The following SYNE2 variants were observed in gnomAD, a reference collection of about 807,000 sequenced individuals.
The protein encoded by SYNE2 is spectrin repeat containing nuclear envelope protein 2.
In SYNE2, 431 loss-of-function variants were observed where a neutral mutation model predicts 856.3. The ratio of observed to expected loss-of-function variants is 0.50; its 90% CI spans 0.47 to 0.55. SYNE2 has a LOEUF of 0.55. Among genes scored for constraint, SYNE2 ranks in the 20% least tolerant of loss-of-function variants. The pLI is 0.00. For synonymous variants in SYNE2, 2,923 were observed against 2,872.3 expected (o/e 1.02, Z -0.56); for missense variants, 8,129 against 8,023.2 (o/e 1.01, Z -0.50).
chr14:64,158,743 A>G lies in SYNE2; in HGVS notation c.15911A>G (p.Lys5304Arg), dbSNP rs2098305847. ...TTCTGGTACTGCATGGAACACAGCA[A>G]GCCTGTGGTGTTATCATTGGAGACC... ...IRFWYCMEHS[K>R]PVVLSLETLR... Residue 5304 changes from lysine to arginine, a missense_variant, in exon 86 of 116, where the codon AAG becomes AGG. Lys to Arg is a conservative substitution (Grantham distance 26, BLOSUM62 2). This residue lies in a region of SYNE2 where 5,410 missense variants were observed against 5,284.8 expected (regional missense o/e 1.02). Coordinates refer to ENST00000555002, the MANE Select transcript of SYNE2 (RefSeq NM_182914.3). 6.2e-7 allele frequency: 1 copy of G among 1,613,876 alleles called. No individual in the cohort carries two copies. The highest frequency in any genetic ancestry group is 1.3e-5 in the African/African-American group (1 of 74,908).
chr14:63,909,728 C>T (rs781285914), intron 2 of SYNE2, among the ~76,000 whole-genome samples: 6 of 152,118 alleles, frequency 3.9e-5, no homozygotes, highest in Admixed American at 6.5e-5. Context: ...GTAATCCCAG[C>T]TACTTGGGAG....
At chr14:63,874,180 C>T (rs1267639258) in intron 1 of SYNE2, among the ~76,000 whole-genome samples, 1 of 152,104 alleles carries the variant, frequency 6.6e-6, no homozygotes, top group Non-Finnish European at 1.5e-5. Flanking sequence ...ATGAGATGTC[C>T]GTCTGTCAGA....
At chr14:64,124,639 G>T (rs1183554532) in intron 70 of SYNE2, among the ~76,000 whole-genome samples, 1 of 152,094 alleles carries the variant, frequency 6.6e-6, no homozygotes, top group Non-Finnish European at 1.5e-5. Flanking sequence ...TAAATGGCAA[G>T]ATAGACAAAA....
Position 64,017,567 on chromosome 14 carries a change from T to C in SYNE2, c.4888-28T>C, listed in dbSNP as rs554900618. On this transcript the variant is annotated intron_variant, in intron 33 of 115. Coordinates refer to ENST00000555002, the MANE Select transcript of SYNE2 (RefSeq NM_182914.3). ...TTTTCAGACTTTTCACTGCTACATA[T>C]GTTGTTTCTCTTTTTAAATTATGGT... The C allele has an allele frequency of 1.1e-4, 174 of 1,582,722 alleles. No homozygotes were observed. In the South Asian group the frequency reaches 1.8e-3, roughly 16 times the overall value.
At chr14:63,831,907 AT>A (rs989644887) in intron 1 of SYNE2, among the ~76,000 whole-genome samples, 23 of 152,120 alleles carry the variant, frequency 1.5e-4, no homozygotes, top group African/African-American at 5.3e-4. Context: ...ATATCACATT[AT>A]TTTAAAAACT....
At chr14:63,836,260 G>A (rs1471401167) in intron 1 of SYNE2, among the ~76,000 whole-genome samples, 1 of 152,166 alleles carries the variant, frequency 6.6e-6, no homozygotes, top group Non-Finnish European at 1.5e-5. Flanking sequence ...CTGGGCTCAT[G>A]CAATCTGCCC....
intron 94 of SYNE2, among the ~76,000 whole-genome samples, chr14:64,171,862 T>C (rs947277169): frequency 6.6e-6 from 1 of 152,130 alleles, no homozygotes; most frequent in Non-Finnish European, 1.5e-5. Context: ...TTGTTTTTCT[T>C]TTTTTTGGGA....
At chr14:64,049,495 A>C in intron 46 of SYNE2, 116 bp from the exon 47 acceptor site, 2 of 947,982 alleles carry the variant, frequency 2.1e-6, no homozygotes, top group South Asian at 3.2e-5. Context: ...CCTGTGTGCA[A>C]ATGAGTTACC....
chr14:64,045,370 A>G (rs1234942859), intron 45 of SYNE2, among the ~76,000 whole-genome samples: 1 of 151,450 alleles, frequency 6.6e-6, no homozygotes, highest in African/African-American at 2.4e-5. Context: ...TAGATGATGA[A>G]TAACAGATAA....
intron 2 of SYNE2, among the ~76,000 whole-genome samples, chr14:63,926,959 G>A (rs970785352): frequency 4.6e-5 from 7 of 152,332 alleles, no homozygotes; most frequent in Admixed American, 4.6e-4. Flanking sequence ...GTGAATAGGG[G>A]TGGGGTGCTA....
Position 63,967,759 on chromosome 14 carries a change from G to T in SYNE2, c.1041G>T (p.Leu347Phe), listed in dbSNP as rs1423684312. The T allele has an allele frequency of 6.2e-7, 1 of 1,614,002 alleles. No individual in the cohort carries two copies. Among genetic ancestry groups the T allele is most frequent in the East Asian group, 2.2e-5 (1 of 44,880 alleles). Residue 347 changes from leucine to phenylalanine, a missense_variant, in exon 11 of 116, where the codon TTG becomes TTT. Physicochemically the swap from Leu to Phe is conservative, Grantham distance 22. Transcript: ENST00000555002. ...TCAATGAAGAAAAAAAGTCCTTTTT[G>T]GATGTCCTGTCAATAAAACGGGATC... ...ESFNEEKKSFLDVLSIKRDLD... is the reference protein window; with the variant it reads ...ESFNEEKKSFFDVLSIKRDLD...
At chr14:63,969,872 G>C (rs1199120550) in intron 11 of SYNE2, among the ~76,000 whole-genome samples, 1 of 152,106 alleles carries the variant, frequency 6.6e-6, no homozygotes, top group Non-Finnish European at 1.5e-5. Flanking sequence ...GTGGGAATCT[G>C]TCTTCAATGC....
intron 49 of SYNE2, among the ~76,000 whole-genome samples, chr14:64,059,457 T>C (rs2097299210): frequency 6.6e-6 from 1 of 152,222 alleles, no homozygotes; most frequent in African/African-American, 2.4e-5. Flanking sequence ...TTGTATAAGA[T>C]CTGGAGTAAT....
At chr14:63,898,970 C>G (rs1197493543) in intron 1 of SYNE2, among the ~76,000 whole-genome samples, 1 of 152,150 alleles carries the variant, frequency 6.6e-6, no homozygotes, top group Admixed American at 6.5e-5. Context: ...TTCCAGAACT[C>G]TTTTCATTTT....
chr14:63,863,193 T>G (rs1285769229), intron 1 of SYNE2, among the ~76,000 whole-genome samples: 1 of 152,202 alleles, frequency 6.6e-6, no homozygotes, highest in Non-Finnish European at 1.5e-5. Context: ...ATTCAGCATG[T>G]GGGGATGCAT....
intron 50 of SYNE2, among the ~76,000 whole-genome samples, chr14:64,065,076 G>T (rs886323686): frequency 6.6e-6 from 1 of 151,978 alleles, no homozygotes; most frequent in Non-Finnish European, 1.5e-5. Context: ...TGTTGGCCAG[G>T]ATGGTCTCGA....
intron 51 of SYNE2, among the ~76,000 whole-genome samples, chr14:64,066,532 A>G (rs1472910812): frequency 2.0e-5 from 3 of 152,146 alleles, no homozygotes; most frequent in Admixed American, 6.6e-5. Flanking sequence ...CACAACGTAA[A>G]ATTATCTTAG....
At chr14:63,931,414 G>C (rs1384199275) in intron 2 of SYNE2, among the ~76,000 whole-genome samples, 2 of 151,962 alleles carry the variant, frequency 1.3e-5, no homozygotes, top group African/African-American at 4.8e-5. Flanking sequence ...GCCGGGCGTG[G>C]TGGAGGGCAC....
chr14:64,221,424 TG>T, intron 111 of SYNE2, 151 bp from the exon 112 acceptor site: 1 of 1,393,244 alleles, frequency 7.2e-7, no homozygotes, highest in Non-Finnish European at 1.0e-6. Context: ...TTTGGGGCCC[TG>T]GCATTTAGTT....
Sources: gnomAD v4.1 joint callset for allele counts (sites outside exome capture counted in the v4.1 genomes callset) on GRCh38, gnomAD v4.1.1 for gene constraint, gnomAD v4.1.1 regional missense constraint, MANE v1.5 for transcripts, NCBI Gene and HGNC (gene_info 2026-07-23, HGNC 2026-07-21) for gene names.